Variants in KIAA1549 observed in about 807,000 individuals in gnomAD.
KIAA1549 encodes UPF0606 protein KIAA1549.
A neutral mutation model predicts 156.4 loss-of-function variants in KIAA1549; 70 were observed. The ratio of observed to expected loss-of-function variants is 0.45; its 90% CI spans 0.37 to 0.55. The LOEUF (loss-of-function observed/expected upper bound fraction) is 0.55. KIAA1549 is among the 20% of genes least tolerant of loss of function. The pLI, the probability that KIAA1549 is intolerant of heterozygous loss-of-function variation, is 0.00. For missense variants in KIAA1549, 2,428 were observed against 2,540.9 expected, an observed-to-expected ratio of 0.96 and a Z score of 0.96; for synonymous variants, 1,103 against 1,066.4, an observed-to-expected ratio of 1.03 and a Z score of -0.67.
intron 2 of KIAA1549, among the ~76,000 whole-genome samples, chr7:138,914,863 T>C (rs1263209921): frequency 6.6e-6 from 1 of 152,186 alleles, no homozygotes; most frequent in African/African-American, 2.4e-5. Flanking sequence ...ACACCACATA[T>C]GAAAGTTAAA....
chr7:138,915,808 A>G (rs1214919613), intron 2 of KIAA1549, among the ~76,000 whole-genome samples: 1 of 152,202 alleles, frequency 6.6e-6, no homozygotes, highest in Non-Finnish European at 1.5e-5. Flanking sequence ...TTCAGCACAC[A>G]GTCATGACCC....
At chr7:138,896,594 G>GTT (rs376537758) in intron 9 of KIAA1549, among the ~76,000 whole-genome samples, 5 of 144,072 alleles carry the variant, frequency 3.5e-5, no homozygotes, top group Non-Finnish European at 3.1e-5. Flanking sequence ...GGGTGTGGTT[G>GTT]TTTTTTTTTT....
chr7:138,890,023 G>T (rs1444757812), intron 10 of KIAA1549, among the ~76,000 whole-genome samples: 2 of 152,184 alleles, frequency 1.3e-5, no homozygotes, highest in Non-Finnish European at 2.9e-5. Context: ...GAAGAATCAA[G>T]ATTAATGAGA....
At chr7:138,845,119 G>A (rs751145549) in intron 17 of KIAA1549, among the ~76,000 whole-genome samples, 23 of 151,854 alleles carry the variant, frequency 1.5e-4, no homozygotes, top group African/African-American at 1.5e-4. Context: ...GGATTGTATC[G>A]CTATTTACCA....
chr7:138,917,299 G>T lies in KIAA1549; in HGVS notation c.2327C>A (p.Ser776Tyr). 6.2e-7 allele frequency: 1 copy of T among 1,613,878 alleles called. No homozygotes were observed. Among genetic ancestry groups the T allele is most frequent in the South Asian group, 1.1e-5 (1 of 91,052 alleles). The change falls in exon 2 of 20, where the codon TCT becomes TAT. Residue 776 changes from serine (S) to tyrosine (Y), a missense_variant. Physicochemically the swap from Ser to Tyr is moderately radical, Grantham distance 144 (BLOSUM62 -2). Transcript: ENST00000422774. Reference sequence around the variant, plus strand: ...AATCCCGGCAGTCAAAATGTCAAAAGACTCAGAGCCGGGGGGCACCAGTGC... The same window carrying T: ...AATCCCGGCAGTCAAAATGTCAAAATACTCAGAGCCGGGGGGCACCAGTGC... ...VTALVPPGSESFDILTAGIQA... is the reference protein window; with the variant it reads ...VTALVPPGSEYFDILTAGIQA...
chr7:138,914,732 C>T (rs1171564246), intron 2 of KIAA1549, among the ~76,000 whole-genome samples: 1 of 152,184 alleles, frequency 6.6e-6, no homozygotes, highest in East Asian at 1.9e-4. Context: ...TGGACACTCA[C>T]ACACAACTCT....
intron 1 of KIAA1549, among the ~76,000 whole-genome samples, chr7:138,931,529 A>G (rs1812871194): frequency 6.6e-6 from 1 of 151,664 alleles, no homozygotes; most frequent in South Asian, 2.1e-4. Flanking sequence ...AGGTGGGTGG[A>G]TCACCTAAGG....
rs374822538 is a variant in KIAA1549 at position 138,866,247 on chromosome 7, C to T, written c.4929+1728G>A. Among the ~76,000 whole-genome samples the T allele has an allele frequency of 4.6e-5, 7 of 152,150 alleles. No individual in the cohort carries two copies. In the South Asian group the frequency reaches 1.5e-3, roughly 32 times the overall value. On this transcript the variant is annotated intron_variant, in intron 15 of 19. Transcript: ENST00000422774. ...TCGGTCTTTAAGACCCTAGAAATAC[C>T]GTAAGTTCCTAAGGAAAAGTCTCAT...
chr7:138,849,786 C>A (rs1287384767), intron 17 of KIAA1549, among the ~76,000 whole-genome samples: 1 of 152,104 alleles, frequency 6.6e-6, no homozygotes, highest in East Asian at 1.9e-4. Flanking sequence ...CATCATTTAG[C>A]CCCCACTTAT....
intron 1 of KIAA1549, among the ~76,000 whole-genome samples, chr7:138,954,833 G>T (rs992051553): frequency 6.6e-6 from 1 of 152,168 alleles, no homozygotes; most frequent in Non-Finnish European, 1.5e-5. Flanking sequence ...ATCAGGTGGG[G>T]AGGACCAAAG....
intron 17 of KIAA1549, among the ~76,000 whole-genome samples, chr7:138,848,665 C>T (rs995637447): frequency 2.0e-5 from 3 of 152,144 alleles, no homozygotes; most frequent in African/African-American, 7.2e-5. Context: ...CCTTGTCCCT[C>T]GTATCAAGGT....
chr7:138,881,702 T>C, intron 10 of KIAA1549, 118 bp from the exon 11 acceptor site: 4 of 841,390 alleles, frequency 4.8e-6, no homozygotes, highest in African/African-American at 1.7e-5. Flanking sequence ...CCAACAAGCA[T>C]CGCTAGAACA....
At chr7:138,857,369 C>T (rs904129586) in intron 16 of KIAA1549, among the ~76,000 whole-genome samples, 1 of 152,188 alleles carries the variant, frequency 6.6e-6, no homozygotes, top group Non-Finnish European at 1.5e-5. Context: ...TTATGTGCTG[C>T]TGTTTTCTTT....
intron 1 of KIAA1549, among the ~76,000 whole-genome samples, chr7:138,957,187 A>G (rs1405917268): frequency 6.7e-6 from 1 of 150,154 alleles, no homozygotes; most frequent in Non-Finnish European, 1.5e-5. Flanking sequence ...CCAGAGCAAT[A>G]CGGTTAACAG....
Position 138,832,997 on chromosome 7 carries a change from TGAA to T in KIAA1549, c.*4906_*4908del, listed in dbSNP as rs932920929. 2.6e-5 allele frequency: 6 copies of T among 231,760 alleles called. No homozygotes were observed. Among genetic ancestry groups the T allele is most frequent in the Admixed American group, 1.1e-4 (2 of 17,736 alleles). 14.4% of individuals were successfully genotyped at this position (231,760 alleles called of 1,614,324 possible). On this transcript the variant is annotated 3_prime_UTR_variant, in exon 20 of 20. Coordinates refer to ENST00000422774, the MANE Select transcript of KIAA1549 (RefSeq NM_001164665.2). ...TAACATGTTAGATTAAATGTAAAAA[TGAA>T]GTTCAGTTGACTATGCCATAGAAAT...
chr7:138,868,503 C>T (rs1810821477), intron 14 of KIAA1549, among the ~76,000 whole-genome samples: 1 of 152,194 alleles, frequency 6.6e-6, no homozygotes, highest in South Asian at 2.1e-4. Flanking sequence ...TCTCGGCTCA[C>T]TGCAACCTCC....
chr7:138,851,634 T>C (rs1306666401), intron 17 of KIAA1549, among the ~76,000 whole-genome samples: 1 of 152,208 alleles, frequency 6.6e-6, no homozygotes, highest in Non-Finnish European at 1.5e-5. Context: ...TGTAATCTTC[T>C]TCTAAAAGGG....
chr7:138,918,905 C>A lies in KIAA1549; in HGVS notation c.721G>T (p.Gly241Cys), dbSNP rs1352617123. ...TTCCTGCCAGGAGTTGGAACGATGC[C>A]CTCAGAGGTGCGAAAAGCTGACCGA... ...TFRSAFRTSE[G>C]IVPTPGRNLV... The change falls in exon 2 of 20, where the codon GGC becomes TGC. Residue 241 changes from glycine (G) to cysteine (C), a missense_variant. Gly to Cys is a radical substitution (Grantham distance 159). Coordinates refer to ENST00000422774, the MANE Select transcript of KIAA1549 (RefSeq NM_001164665.2). The surrounding 1 kb of genome is among the most constrained non-coding windows in gnomAD (Gnocchi z 4.2). The A allele has an allele frequency of 6.2e-7, 1 of 1,613,960 alleles. No individual in the cohort carries two copies. Among genetic ancestry groups the A allele is most frequent in the East Asian group, 2.2e-5 (1 of 44,872 alleles).
At chr7:138,955,742 C>A (rs1251226162) in intron 1 of KIAA1549, among the ~76,000 whole-genome samples, 1 of 152,176 alleles carries the variant, frequency 6.6e-6, no homozygotes, top group East Asian at 1.9e-4. Context: ...TGTTAGGTGG[C>A]AGAAATAAAG....
Sources: allele counts gnomAD v4.1 joint callset (sites outside exome capture counted in the v4.1 genomes callset), GRCh38; gene constraint gnomAD v4.1.1; non-coding constraint Gnocchi (gnomAD v3.1); transcripts MANE v1.5; gene names NCBI Gene and HGNC (gene_info 2026-07-23, HGNC 2026-07-21).